RAB3C: variants seen among roughly 807,000 people sequenced by gnomAD.
RAB3C encodes RAB3C, member RAS oncogene family, also known as ras-related protein Rab-3C.
A neutral mutation model predicts 26.4 loss-of-function variants in RAB3C; 17 were observed. That is an observed-to-expected ratio of 0.64 (90% CI 0.44 to 0.97). The LOEUF is 0.97. RAB3C is among the 50% of genes least tolerant of loss of function. The pLI is 0.00. For synonymous variants in RAB3C, 91 were observed against 95.9 expected, an observed-to-expected ratio of 0.95 and a Z score of 0.30; for missense variants, 242 against 281.9, an observed-to-expected ratio of 0.86 and a Z score of 1.01.
intron 2 of RAB3C, among the ~76,000 whole-genome samples, chr5:58,649,634 A>G (rs1336503814): frequency 6.6e-6 from 1 of 151,818 alleles, no homozygotes; most frequent in Admixed American, 6.6e-5. Flanking sequence ...AATCTTCATA[A>G]TTTCCCTTTC....
intron 3 of RAB3C, among the ~76,000 whole-genome samples, chr5:58,787,956 G>T (rs1047475958): frequency 9.2e-5 from 14 of 152,136 alleles, no homozygotes; most frequent in African/African-American, 3.4e-4. Context: ...TTTTTTTCAA[G>T]AATAGGTGCT....
chr5:58,804,180 G>C (rs1222676447), intron 3 of RAB3C, among the ~76,000 whole-genome samples: 2 of 152,074 alleles, frequency 1.3e-5, no homozygotes, highest in African/African-American at 4.8e-5. Context: ...CATGTCTTAA[G>C]ATCACCAACT....
intron 3 of RAB3C, among the ~76,000 whole-genome samples, chr5:58,787,858 C>T (rs1742426559): frequency 6.6e-6 from 1 of 152,190 alleles, no homozygotes; most frequent in African/African-American, 2.4e-5. Flanking sequence ...CTCAGCTGTC[C>T]TAACTCCTTT....
chr5:58,598,863 A>G (rs1445474729), intron 1 of RAB3C, among the ~76,000 whole-genome samples: 1 of 152,154 alleles, frequency 6.6e-6, no homozygotes. Context: ...GAGAAAGCAT[A>G]TTCTGTAAAA....
chr5:58,720,894 A>G (rs1301983806), intron 2 of RAB3C, among the ~76,000 whole-genome samples: 1 of 151,872 alleles, frequency 6.6e-6, no homozygotes, highest in African/African-American at 2.4e-5. Context: ...CCACTAAAAC[A>G]AAAAACAAAT....
At chr5:58,744,922 G>A (rs1250453170) in intron 3 of RAB3C, among the ~76,000 whole-genome samples, 1 of 152,056 alleles carries the variant, frequency 6.6e-6, no homozygotes. Context: ...TTTTTCAGGG[G>A]AAATAAGACA....
intron 2 of RAB3C, among the ~76,000 whole-genome samples, chr5:58,672,705 A>G (rs148262243): frequency 6.6e-6 from 1 of 152,226 alleles, no homozygotes; most frequent in Non-Finnish European, 1.5e-5. Context: ...CATAAGCCTT[A>G]TGAAATGATT....
At chr5:58,675,454 T>G (rs1214955630) in intron 2 of RAB3C, among the ~76,000 whole-genome samples, 4 of 152,116 alleles carry the variant, frequency 2.6e-5, no homozygotes, top group Admixed American at 1.3e-4. Flanking sequence ...TTCTCCCATC[T>G]GCTAGTCAAA....
chr5:58,718,175 CA>C lies in RAB3C; in HGVS notation c.253-7822del, dbSNP rs574969294. Among the ~76,000 whole-genome samples, 10 of 152,148 alleles carry C rather than the reference CA, an allele frequency of 6.6e-5. No homozygotes were observed. In the South Asian group the frequency reaches 1.9e-3, roughly 28 times the overall value. On this transcript the variant is annotated intron_variant, in intron 2 of 4. Transcript: ENST00000282878. ...AAAATCCCACTGGGAAAAAGTATGT[CA>C]AAAAGATTAATTAGAAGGAAAGCAA... is the stretch of plus-strand genomic sequence containing the variant.
rs770026443 is a variant in RAB3C, at chr5:58,617,724, A to G, written c.106A>G (p.Ile36Val). 1 of 1,614,036 alleles carries G rather than the reference A, an allele frequency of 6.2e-7. No individual in the cohort carries two copies. Among genetic ancestry groups the G allele is most frequent in the Non-Finnish European group, 8.5e-7 (1 of 1,179,920 alleles). The change falls in exon 2 of 5, where the codon ATC becomes GTC. Residue 36 changes from isoleucine to valine, a missense_variant. By Grantham distance (29) the Ile-to-Val change is conservative (BLOSUM62 3). Coordinates refer to ENST00000282878, the MANE Select transcript of RAB3C (RefSeq NM_138453.4). The stretch of plus-strand genomic sequence containing the variant: ...TGACTACATGTTCAAATTACTCATC[A>G]TCGGCAATAGCAGTGTGGGGAAAAC... ...NFDYMFKLLI[I>V]GNSSVGKTSF...
intron 1 of RAB3C, among the ~76,000 whole-genome samples, chr5:58,607,916 A>G (rs1746607605): frequency 6.6e-6 from 1 of 152,212 alleles, no homozygotes; most frequent in Non-Finnish European, 1.5e-5. Flanking sequence ...CTGCCTTACA[A>G]GAGCTCCTGA....
chr5:58,637,042 A>G (rs1189043992), intron 2 of RAB3C, among the ~76,000 whole-genome samples: 3 of 151,716 alleles, frequency 2.0e-5, no homozygotes, highest in East Asian at 3.9e-4. Context: ...GAAAGTAACC[A>G]TGGAAAGAAT....
chr5:58,595,081 C>T lies in RAB3C; in HGVS notation c.24+11849C>T, dbSNP rs112192448. Among the ~76,000 whole-genome samples, 875 of 151,998 alleles carry T rather than the reference C, an allele frequency of 5.8e-3. 5 individuals are homozygous for T. The highest frequency in any genetic ancestry group is 9.0e-3 in the Non-Finnish European group (610 of 67,970). Reference sequence around the variant, plus strand: ...AATGGAGCGAGGGGGAAGTAAAGCCCGATTGTGTTTATTTTTAAAAATGAC... The same window carrying T: ...AATGGAGCGAGGGGGAAGTAAAGCCTGATTGTGTTTATTTTTAAAAATGAC... On this transcript the variant is annotated intron_variant, in intron 1 of 4. Transcript: ENST00000282878.
intron 3 of RAB3C, among the ~76,000 whole-genome samples, chr5:58,737,670 A>G (rs1031233505): frequency 6.6e-6 from 1 of 151,936 alleles, no homozygotes; most frequent in Non-Finnish European, 1.5e-5. Flanking sequence ...GTATCTCCAT[A>G]GTCTAGCATA....
chr5:58,667,946 T>C (rs1748034337), intron 2 of RAB3C, among the ~76,000 whole-genome samples: 1 of 152,092 alleles, frequency 6.6e-6, no homozygotes, highest in Non-Finnish European at 1.5e-5. Flanking sequence ...TCATCCTCCA[T>C]TGGGCTCAAA....
rs762540054 is a variant in RAB3C at position 58,852,135 on chromosome 5, T to C, written c.*784T>C. ...CAACATCATTGAACAGATTGAGACA[T>C]ATCTACTGAATGCCAGTTATGCAAC... is the stretch of plus-strand genomic sequence containing the variant. On this transcript the variant is annotated 3_prime_UTR_variant, in exon 5 of 5. Coordinates refer to ENST00000282878, the MANE Select transcript of RAB3C (RefSeq NM_138453.4). The C allele has an allele frequency of 1.2e-4, 18 of 152,022 alleles. No homozygotes were observed. The highest frequency in any genetic ancestry group is 2.4e-4 in the Non-Finnish European group (16 of 67,924). 9.4% of individuals were successfully genotyped at this position (152,022 alleles called of 1,614,324 possible). A position where few individuals can be genotyped will look rare whatever the true frequency, so the allele number is the denominator to read the frequency against.
intron 1 of RAB3C, among the ~76,000 whole-genome samples, chr5:58,592,746 TCTC>T (rs1391551789): frequency 1.1e-4 from 16 of 152,296 alleles, no homozygotes; most frequent in African/African-American, 3.6e-4. Flanking sequence ...TGTCTGCTGA[TCTC>T]CTTTATAATG....
intron 4 of RAB3C, among the ~76,000 whole-genome samples, chr5:58,829,061 G>A (rs1034754260): frequency 2.0e-5 from 3 of 151,590 alleles, no homozygotes; most frequent in African/African-American, 4.8e-5. Context: ...GTGCCACCAC[G>A]CCCGGCTACT....
chr5:58,651,601 A>G (rs1747650503), intron 2 of RAB3C, among the ~76,000 whole-genome samples: 1 of 152,238 alleles, frequency 6.6e-6, no homozygotes, highest in Non-Finnish European at 1.5e-5. Flanking sequence ...AAAACTAAGC[A>G]TTATATGGAC....
Sources: gnomAD v4.1 joint callset for allele counts (sites outside exome capture counted in the v4.1 genomes callset) on GRCh38, gnomAD v4.1.1 for gene constraint, MANE v1.5 for transcripts, NCBI Gene and HGNC (gene_info 2026-07-23, HGNC 2026-07-21) for gene names.